MVP: variants seen among roughly 807,000 people sequenced by gnomAD.
The protein encoded by MVP is lung resistance-related protein.
MVP carries 62 observed loss-of-function variants against 83.5 expected under a neutral mutation model. That is an observed-to-expected ratio of 0.74 (90% CI 0.61 to 0.92). The LOEUF (loss-of-function observed/expected upper bound fraction) is 0.92, where lower values mean the gene tolerates loss of function less well. Among genes scored for constraint, MVP ranks in the 40% least tolerant of loss-of-function variants. The pLI, the probability that MVP is intolerant of heterozygous loss-of-function variation, is 0.00. For synonymous variants in MVP, 505 were observed against 504.1 expected, an observed-to-expected ratio of 1.00 and a Z score of -0.02; for missense variants, 1,000 against 1,203.4, an observed-to-expected ratio of 0.83 and a Z score of 2.50.
intron 3 of MVP, among the ~76,000 whole-genome samples, chr16:29,832,366 C>T (rs1204388811): frequency 2.2e-5 from 3 of 135,274 alleles, no homozygotes; most frequent in South Asian, 2.4e-4. Flanking sequence ...GGCATAATCT[C>T]GGCTAACTGG....
rs2067599374 is a variant in MVP at position 29,847,902 on chromosome 16, G to A, written c.2595G>A (p.Gly865=). The A allele has an allele frequency of 1.2e-6, 2 of 1,613,954 alleles. No individual in the cohort carries two copies. The highest frequency in any genetic ancestry group is 2.2e-5 in the East Asian group (1 of 44,886). The change falls in exon 15 of 15, where the codon GGG becomes GGA. Residue 865 remains glycine, a synonymous_variant. Transcript: ENST00000357402. ...GQPLGRRVAS[G]PSPGEGISPQ... is the part of the protein sequence containing the mutation. ...CCCTGGGCAGAAGGGTGGCCAGTGG[G>A]CCCAGCCCTGGGGAGGGGATATCCC...
At chr16:29,845,051 G>A (rs568758005) in intron 11 of MVP, among the ~76,000 whole-genome samples, 172 bp downstream of exon 11, 22 of 152,162 alleles carry the variant, frequency 1.4e-4, no homozygotes, top group African/African-American at 3.4e-4. Context: ...GGCTGGGCGC[G>A]GTGGCTCATG....
At chr16:29,838,897 A>G (rs1027136332) in intron 7 of MVP, among the ~76,000 whole-genome samples, 3 of 152,168 alleles carry the variant, frequency 2.0e-5, no homozygotes, top group Non-Finnish European at 4.4e-5. Flanking sequence ...TGCTAAGTGA[A>G]AGAAGCCAGC....
chr16:29,846,182 T>A lies in MVP; in HGVS notation c.2163T>A (p.Thr721=), dbSNP rs756639388. The A allele has an allele frequency of 2.7e-5, 43 of 1,610,716 alleles. No individual in the cohort carries two copies. The highest frequency in any genetic ancestry group is 1.7e-4 in the Middle Eastern group (1 of 5,806). The change falls in exon 13 of 15, where the codon ACT becomes ACA. Residue 721 remains threonine (T), a synonymous_variant. Coordinates refer to ENST00000357402, the MANE Select transcript of MVP (RefSeq NM_005115.5). The part of the protein sequence containing the change: ...ALSMAVESTG[T]AKAEAESRAE... The stretch of plus-strand genomic sequence containing the variant: ...GCATGGCCGTGGAGAGCACCGGGAC[T>A]GCCAAGGCGGAGGCCGAGTCCCGTG...
chr16:29,838,867 G>A (rs1003093212), intron 7 of MVP, among the ~76,000 whole-genome samples: 1 of 152,032 alleles, frequency 6.6e-6, no homozygotes, highest in Non-Finnish European at 1.5e-5. Flanking sequence ...GCTACAACAT[G>A]GATAAAATTG....
At chr16:29,829,033 G>A (rs1193796833) in intron 1 of MVP, among the ~76,000 whole-genome samples, 1 of 151,564 alleles carries the variant, frequency 6.6e-6, no homozygotes, top group Non-Finnish European at 1.5e-5. Flanking sequence ...TTTCACCTGG[G>A]GTTGGAGGCT....
chr16:29,836,864 C>T lies in MVP; in HGVS notation c.815C>T (p.Pro272Leu), dbSNP rs1349976611. The change falls in exon 7 of 15, where the codon CCC becomes CTC. Residue 272 changes from proline to leucine, a missense_variant. By Grantham distance (98) the Pro-to-Leu change is moderately conservative. Transcript: ENST00000357402. ...DVHEEVLGVVPITTLGPHNYC... is the reference protein window; with the variant it reads ...DVHEEVLGVVLITTLGPHNYC... ...CACGAGGAGGTGCTGGGGGTTGTGC[C>T]CATCACCACCCTGGGCCCCCACAAC... The T allele has an allele frequency of 6.2e-7, 1 of 1,613,996 alleles. No homozygotes were observed. Among genetic ancestry groups the T allele is most frequent in the Admixed American group, 1.7e-5 (1 of 60,014 alleles).
chr16:29,839,054 G>A (rs1223762415), intron 7 of MVP, among the ~76,000 whole-genome samples: 2 of 152,118 alleles, frequency 1.3e-5, no homozygotes, highest in South Asian at 2.1e-4. Context: ...GCATGATGGC[G>A]GGTGCCTGTA....
At chr16:29,832,176 C>A (rs1234378825) in intron 3 of MVP, among the ~76,000 whole-genome samples, 1 of 151,928 alleles carries the variant, frequency 6.6e-6, no homozygotes, top group East Asian at 1.9e-4. Context: ...ACATTCATGT[C>A]CACTTAGGTG....
At position 29,835,757 on chromosome 16, in the gene MVP, G is replaced by A; in HGVS notation, c.631G>A (p.Glu211Lys). Residue 211 changes from glutamate to lysine, a missense_variant, in exon 6 of 15, where the codon GAG becomes AAG. Physicochemically the swap from Glu to Lys is moderately conservative, Grantham distance 56 (BLOSUM62 1). Coordinates refer to ENST00000357402, the MANE Select transcript of MVP (RefSeq NM_005115.5). ...VGAYLPAVFE[E>K]VLDLVDAVIL... ...GGCGTACCTCCCAGCGGTGTTTGAG[G>A]AGGTTCTGGATTTGGTGGACGCCGT... The A allele has an allele frequency of 1.4e-5, 22 of 1,614,046 alleles. No individual in the cohort carries two copies. The highest frequency in any genetic ancestry group is 1.8e-5 in the Non-Finnish European group (21 of 1,180,016).
At chr16:29,825,667 A>G (rs2067399924) in intron 1 of MVP, among the ~76,000 whole-genome samples, 1 of 152,170 alleles carries the variant, frequency 6.6e-6, no homozygotes, top group African/African-American at 2.4e-5. Context: ...TCCAGCCATG[A>G]GGATGACTCT....
intron 3 of MVP, among the ~76,000 whole-genome samples, chr16:29,832,027 G>A (rs544414138): frequency 3.8e-4 from 58 of 152,100 alleles, no homozygotes; most frequent in Non-Finnish European, 7.1e-4. Context: ...TGATCCGCCC[G>A]CCTCGGCCTC....
At chr16:29,831,144 C>CCTT in intron 3 of MVP, 71 bp downstream of exon 3, 1 of 1,363,920 alleles carries the variant, frequency 7.3e-7, no homozygotes, top group Non-Finnish European at 9.9e-7. Flanking sequence ...TATACTGCTG[C>CCTT]CTTCTTCTTC....
In MVP at chr16:29,833,738, C is replaced by T. The variant is rs1160817720; in HGVS notation, c.327C>T (p.Ile109=). 1 of 1,613,994 alleles carries T rather than the reference C, an allele frequency of 6.2e-7. No individual in the cohort carries two copies. The highest frequency in any genetic ancestry group is 2.2e-5 in the East Asian group (1 of 44,878). ...LYPGEVLEKD[I]TPLQVVLPNT... is the part of the protein sequence containing the mutation. The stretch of plus-strand genomic sequence containing the variant: ...TCCACCTTCTTCCCCACTAGGACAT[C>T]ACACCCCTGCAGGTGGTTCTGCCCA... The change falls in exon 4 of 15, where the codon ATC becomes ATT. Residue 109 remains isoleucine, a synonymous_variant. Transcript: ENST00000357402.
chr16:29,836,698 A>C, intron 6 of MVP, 24 bp from the exon 7 acceptor site: 2 of 1,526,748 alleles, frequency 1.3e-6, no homozygotes, highest in Non-Finnish European at 1.8e-6. Context: ...AGGTCACTCA[A>C]ATACCCAACA....
Position 29,827,170 on chromosome 16 carries a change from CA to C in MVP, c.-35-3343del, listed in dbSNP as rs555205973. 1.5e-3 allele frequency among the ~76,000 whole-genome samples: 233 copies of C among 152,270 alleles called. 1 individual carries two copies. Among genetic ancestry groups the C allele is most frequent in the African/African-American group, 5.5e-3 (230 of 41,560 alleles). ...CAGAAGAGGGAGCTCTGATGTTAGA[CA>C]AGCCACCCTCCTACAAGCGAAGGGA... On this transcript the variant is annotated intron_variant, in intron 1 of 14. Coordinates refer to ENST00000357402, the MANE Select transcript of MVP (RefSeq NM_005115.5).
chr16:29,834,248 A>C, intron 5 of MVP, 182 bp downstream of exon 5: 1 of 813,650 alleles, frequency 1.2e-6, no homozygotes, highest in Non-Finnish European at 1.8e-6. Flanking sequence ...TGCTGTTTCC[A>C]CTTGGGCTGG....
intron 10 of MVP, among the ~76,000 whole-genome samples, chr16:29,844,003 G>A (rs923882123): frequency 5.3e-5 from 8 of 152,208 alleles, no homozygotes; most frequent in African/African-American, 1.4e-4. Context: ...CAGGGCTGCC[G>A]ACATATTCCC....
rs975899504 is a variant in MVP at position 29,841,862 on chromosome 16, T to C, written c.1436+22T>C. ...CCCGGTGAGTGCTGGCAGCGCAGGG[T>C]GTAGGGGGTGGCTCTCCATGGGTCT... On this transcript the variant is annotated intron_variant, in intron 9 of 14. Coordinates refer to ENST00000357402, the MANE Select transcript of MVP (RefSeq NM_005115.5). The surrounding 1 kb of genome is among the most constrained non-coding windows in gnomAD (Gnocchi z 4.7). The C allele has an allele frequency of 1.2e-6, 2 of 1,605,104 alleles. No individual in the cohort carries two copies. The highest frequency in any genetic ancestry group is 1.7e-5 in the Admixed American group (1 of 59,574).
Sources: gnomAD v4.1 joint callset for allele counts (sites outside exome capture counted in the v4.1 genomes callset) on GRCh38, gnomAD v4.1.1 for gene constraint, Gnocchi (gnomAD v3.1) non-coding constraint, MANE v1.5 for transcripts, NCBI Gene and HGNC (gene_info 2026-07-23, HGNC 2026-07-21) for gene names.